The following CHD9 variants were observed in gnomAD, a reference collection of about 807,000 sequenced individuals.
The protein encoded by CHD9 is ATP-dependent chromatin remodeler CHD9.
A neutral mutation model predicts 316.1 loss-of-function variants in CHD9; 77 were observed. The ratio of observed to expected loss-of-function variants is 0.24; its 90% CI spans 0.20 to 0.29. CHD9 has a LOEUF of 0.29. Among genes scored for constraint, CHD9 ranks in the 10% least tolerant of loss-of-function variants. The probability of loss-of-function intolerance (pLI) is 1.00; values close to 1 mark genes in which losing one functional copy is unlikely to be tolerated. For missense variants in CHD9, 2,763 were observed against 3,438.1 expected, an observed-to-expected ratio of 0.80 and a Z score of 4.91; for synonymous variants, 1,129 against 1,158.3, an observed-to-expected ratio of 0.97 and a Z score of 0.51.
In CHD9 at chr16:53,157,164, A is replaced by G. The variant is rs773677621; in HGVS notation, c.1075A>G (p.Met359Val). 1.2e-6 allele frequency: 2 copies of G among 1,609,614 alleles called. No homozygotes were observed. The highest frequency in any genetic ancestry group is 2.2e-5 in the East Asian group (1 of 44,808). Residue 359 changes from methionine (M) to valine (V), a missense_variant, in exon 2 of 39, where the codon ATG (methionine) becomes GTG (valine). This residue lies in a region of CHD9 where 859 missense variants were observed against 890.4 expected (regional missense o/e 0.96). Transcript: ENST00000447540. Reference protein sequence around the residue: ...YSNSKLSPVHMNFPDPVDSGT... With the variant: ...YSNSKLSPVHVNFPDPVDSGT... ...CAATTCAAAATTATCTCCTGTGCAC[A>G]TGAACTTCCCAGATCCTGTTGACTC... is the stretch of plus-strand genomic sequence containing the variant.
chr16:53,142,172 G>C (rs867944097), intron 1 of CHD9, among the ~76,000 whole-genome samples: 1 of 152,104 alleles, frequency 6.6e-6, no homozygotes, highest in Non-Finnish European at 1.5e-5. Flanking sequence ...TTGGTAAGTC[G>C]ACAAGGAATC....
At position 53,156,238 on chromosome 16, in the gene CHD9, T is replaced by C; in HGVS notation, c.149T>C (p.Ile50Thr). 6.2e-7 allele frequency: 1 copy of C among 1,614,014 alleles called. No individual in the cohort carries two copies. The highest frequency in any genetic ancestry group is 8.5e-7 in the Non-Finnish European group (1 of 1,179,892). The change falls in exon 2 of 39, where the codon ATA (isoleucine) becomes ACA (threonine). Residue 50 changes from isoleucine to threonine, a missense_variant. This residue lies in a region of CHD9 where 859 missense variants were observed against 890.4 expected (regional missense o/e 0.96). Transcript: ENST00000447540. ...NLGAEFEPLH[I>T]DSLNHVQGTP... ...GGTGCAGAATTTGAACCGTTGCACA[T>C]AGATTCACTGAACCATGTTCAAGGT...
chr16:53,225,049 C>T (rs1265598276), intron 4 of CHD9, among the ~76,000 whole-genome samples: 2 of 152,096 alleles, frequency 1.3e-5, no homozygotes, highest in South Asian at 2.1e-4. Flanking sequence ...TTTGGCTGAC[C>T]ATATGAGTGC....
At chr16:53,160,439 A>T (rs957446606) in intron 2 of CHD9, among the ~76,000 whole-genome samples, 3 of 152,154 alleles carry the variant, frequency 2.0e-5, no homozygotes, top group Admixed American at 6.5e-5. Context: ...ATCTGAGAGA[A>T]GTTATTTTCA....
chr16:53,257,570 G>A (rs2050710661), intron 19 of CHD9, among the ~76,000 whole-genome samples: 1 of 152,138 alleles, frequency 6.6e-6, no homozygotes, highest in African/African-American at 2.4e-5. Flanking sequence ...GAAATGACTT[G>A]AAGATTTTTT....
In CHD9 at chr16:53,291,738, C is replaced by T. The variant is rs1422250834; in HGVS notation, c.5261C>T (p.Ser1754Leu). 2.6e-6 allele frequency: 4 copies of T among 1,565,426 alleles called. No individual in the cohort carries two copies. Among genetic ancestry groups the T allele is most frequent in the South Asian group, 2.4e-5 (2 of 81,696 alleles). The change falls in exon 28 of 39, where the codon TCA (serine) becomes TTA (leucine). Residue 1754 changes from serine (S) to leucine (L), a missense_variant. By Grantham distance (145) the Ser-to-Leu change is moderately radical (BLOSUM62 -2). Transcript: ENST00000447540. ...FKDDIEDDVS[S>L]PGDLVIADGD... The stretch of plus-strand genomic sequence containing the variant: ...TTCTTTTAAAAGGATGATGTTTCCT[C>T]ACCAGGAGATCTTGTTATAGCAGAT...
intron 3 of CHD9, among the ~76,000 whole-genome samples, chr16:53,222,038 T>C (rs1009081262): frequency 3.9e-5 from 6 of 152,072 alleles, no homozygotes; most frequent in Non-Finnish European, 7.4e-5. Context: ...TTTTTTTACC[T>C]GCTAAATTTA....
Position 53,304,558 on chromosome 16 carries a change from C to T in CHD9, c.6552C>T (p.Ser2184=), listed in dbSNP as rs1359176877. Residue 2184 remains serine, a synonymous_variant, in exon 31 of 39, where the codon TCC becomes TCT. Transcript: ENST00000447540. ...ASSSSSSSTS[S]SSSSSSSSSE... Reference sequence around the variant, plus strand: ...CTTCATCCTCTTCCTCCACCTCTTCCTCCTCCTCCTCCTCTTCATCTTCAT... The same window carrying T: ...CTTCATCCTCTTCCTCCACCTCTTCTTCCTCCTCCTCCTCTTCATCTTCAT... 10 of 1,498,076 alleles carry T rather than the reference C, an allele frequency of 6.7e-6. No homozygotes were observed. The highest frequency in any genetic ancestry group is 2.4e-5 in the South Asian group (2 of 82,670). 92.8% of individuals were successfully genotyped at this position (1,498,076 alleles called of 1,614,324 possible).
At chr16:53,234,064 G>A (rs1047133185) in intron 10 of CHD9, among the ~76,000 whole-genome samples, 1 of 151,920 alleles carries the variant, frequency 6.6e-6, no homozygotes, top group Non-Finnish European at 1.5e-5. Context: ...TCACTTCTAT[G>A]CTTCTAGATT....
chr16:53,162,326 A>C (rs1003100112), intron 2 of CHD9, among the ~76,000 whole-genome samples: 1 of 152,244 alleles, frequency 6.6e-6, no homozygotes, highest in Non-Finnish European at 1.5e-5. Context: ...AAGTATGTAC[A>C]AGACTAACAT....
intron 1 of CHD9, among the ~76,000 whole-genome samples, chr16:53,117,121 T>C (rs1444475433): frequency 1.3e-5 from 2 of 152,108 alleles, no homozygotes; most frequent in African/African-American, 2.4e-5. Context: ...AGCTAATGCA[T>C]GCTGGGATTC....
chr16:53,122,544 C>CCT lies in CHD9; in HGVS notation c.-164-33382_-164-33381insCT, dbSNP rs1051954207. Among the ~76,000 whole-genome samples, 396 of 129,852 alleles carry CCT rather than the reference C, an allele frequency of 3.0e-3. 1 individual carries two copies. The highest frequency in any genetic ancestry group is 0.011 in the African/African-American group (387 of 35,652). 85.2% of individuals were successfully genotyped at this position (129,852 alleles called of 152,430 possible). A position where few individuals can be genotyped will look rare whatever the true frequency, so the allele number is the denominator to read the frequency against. ...GTTGGAAATTGCTGGCTGGGAATCC[C>CCT]TTTTTTTTTTTTTTTTTTGAGACAG... On this transcript the variant is annotated intron_variant, in intron 1 of 38. Transcript: ENST00000447540.
At chr16:53,204,046 A>ATAT (rs1442183873) in intron 2 of CHD9, among the ~76,000 whole-genome samples, 2 of 89,912 alleles carry the variant, frequency 2.2e-5, no homozygotes, top group African/African-American at 8.4e-5. Flanking sequence ...AAAAAAAAAA[A>ATAT]AAATATATAT....
intron 2 of CHD9, among the ~76,000 whole-genome samples, chr16:53,191,855 G>T (rs183224663): frequency 6.6e-6 from 1 of 152,206 alleles, no homozygotes; most frequent in Admixed American, 6.5e-5. Context: ...TTTCAAAAGT[G>T]GTTGTACTCT....
chr16:53,236,965 C>A (rs1191709423), intron 11 of CHD9, among the ~76,000 whole-genome samples: 1 of 152,038 alleles, frequency 6.6e-6, no homozygotes, highest in Admixed American at 6.6e-5. Flanking sequence ...CTATACTCCC[C>A]GTGCCTTCAC....
intron 37 of CHD9, 47 bp downstream of exon 37, chr16:53,318,387 A>G (rs2057033812): frequency 6.9e-7 from 1 of 1,451,026 alleles, no homozygotes; most frequent in Non-Finnish European, 9.4e-7. Context: ...TTCAATATTT[A>G]AGAGATCTCC....
intron 1 of CHD9, among the ~76,000 whole-genome samples, chr16:53,094,973 G>T (rs2036258280): frequency 6.6e-6 from 1 of 152,094 alleles, no homozygotes. Flanking sequence ...AGTGCTTAGG[G>T]TTATTCACAA....
rs940457308 is a variant in CHD9, at chr16:53,326,120, G to A, written c.*1225G>A. On this transcript the variant is annotated 3_prime_UTR_variant, in exon 39 of 39. Transcript: ENST00000447540. ...CCTGAGGCTTCTGTTCAATTTCATA[G>A]ACTCCTTTACCATGTAAAATTTGTC... is the stretch of plus-strand genomic sequence containing the variant. 1 of 152,434 alleles carries A rather than the reference G, an allele frequency of 6.6e-6. No homozygotes were observed. The highest frequency in any genetic ancestry group is 1.5e-5 in the Non-Finnish European group (1 of 67,920). The allele number at this position is 152,434 out of a possible 1,614,324, so 9.4% of individuals were successfully genotyped here.
chr16:53,238,217 A>T, intron 11 of CHD9, 126 bp from the exon 12 acceptor site: 1 of 889,320 alleles, frequency 1.1e-6, no homozygotes, highest in Non-Finnish European at 1.6e-6. Context: ...CCCTGCACTT[A>T]AGCAACTTTT....
Sources: allele counts gnomAD v4.1 joint callset (sites outside exome capture counted in the v4.1 genomes callset), GRCh38; gene constraint gnomAD v4.1.1; regional missense constraint gnomAD v4.1.1; transcripts MANE v1.5; gene names NCBI Gene and HGNC (gene_info 2026-07-23, HGNC 2026-07-21).